AK3: variants seen among roughly 807,000 people sequenced by gnomAD.
AK3 encodes GTP:AMP phosphotransferase AK3, mitochondrial.
Under a neutral mutation model 23.7 loss-of-function variants are expected in AK3, and 27 were observed. The ratio of observed to expected loss-of-function variants is 1.14; its 90% confidence interval spans 0.84 to 1.57. The LOEUF is 1.57. Ranked by LOEUF, AK3 falls within the 40% of genes most tolerant of loss-of-function variation. The pLI, the probability that AK3 is intolerant of heterozygous loss-of-function variation, is 0.00. For missense variants in AK3, 406 were observed against 285.6 expected, an observed-to-expected ratio of 1.42 and a Z score of -3.04; for synonymous variants, 159 against 116.0, an observed-to-expected ratio of 1.37 and a Z score of -2.38.
chr9:4,727,213 C>T (rs925325434), intron 1 of AK3, among the ~76,000 whole-genome samples: 4 of 152,152 alleles, frequency 2.6e-5, no homozygotes, highest in African/African-American at 7.2e-5. Flanking sequence ...TCACCAGCTG[C>T]ATTAGTCCCT....
In AK3 at chr9:4,741,156, G is replaced by T. The variant is rs558314823; in HGVS notation, c.-69C>A. ...GCCTGGCCTGCGCGCTCACCCGCTCGGCAGCCTGCGCCGGCCGGCTAGCAG... is the reference window on the plus strand; with the variant it reads ...GCCTGGCCTGCGCGCTCACCCGCTCTGCAGCCTGCGCCGGCCGGCTAGCAG... On this transcript the variant is annotated 5_prime_UTR_variant, in exon 1 of 5. Coordinates refer to ENST00000381809, the MANE Select transcript of AK3 (RefSeq NM_016282.4). 2.3e-6 allele frequency: 3 copies of T among 1,327,950 alleles called. No individual in the cohort carries two copies. The highest frequency in any genetic ancestry group is 2.9e-6 in the Non-Finnish European group (3 of 1,036,344). The allele number at this position is 1,327,950 out of a possible 1,614,324, so 82.3% of individuals were successfully genotyped here. A position where few individuals can be genotyped will look rare whatever the true frequency, so the allele number is the denominator to read the frequency against.
At chr9:4,722,677 C>G (rs574801486) in intron 1 of AK3, 52 bp from the exon 2 acceptor site, 25 of 1,611,084 alleles carry the variant, frequency 1.6e-5, no homozygotes, top group African/African-American at 5.3e-5. Context: ...TTATCCCATT[C>G]CAGGCACCTC....
At chr9:4,736,746 C>A (rs1349361368) in intron 1 of AK3, among the ~76,000 whole-genome samples, 1 of 151,658 alleles carries the variant, frequency 6.6e-6, no homozygotes, top group African/African-American at 2.4e-5. Flanking sequence ...GGTGCTATCA[C>A]AGCCCACTGC....
chr9:4,728,886 C>CATATATACAT (rs1842082577), intron 1 of AK3, among the ~76,000 whole-genome samples: 2 of 140,142 alleles, frequency 1.4e-5, no homozygotes, highest in Non-Finnish European at 3.1e-5. Flanking sequence ...CACACACATA[C>CATATATACAT]ATATATATAC....
intron 1 of AK3, among the ~76,000 whole-genome samples, chr9:4,734,540 G>GGA (rs1842226236): frequency 6.6e-6 from 1 of 152,150 alleles, no homozygotes; most frequent in African/African-American, 2.4e-5. Context: ...ATGGATAGAT[G>GGA]GAGAGACAAG....
Position 4,711,233 on chromosome 9 carries a change from T to C in AK3, c.*1743A>G, listed in dbSNP as rs1033326090. ...TCAGGCAGCAGAAAGGAAGGTGGGA[T>C]GGAGCAGGCCCTGTGAAGGACCAAG... On this transcript the variant is annotated 3_prime_UTR_variant, in exon 5 of 5. Coordinates refer to ENST00000381809, the MANE Select transcript of AK3 (RefSeq NM_016282.4). 3.3e-5 allele frequency: 5 copies of C among 152,704 alleles called. No homozygotes were observed. Among genetic ancestry groups the C allele is most frequent in the African/African-American group, 1.2e-4 (5 of 41,458 alleles). 9.5% of individuals were successfully genotyped at this position (152,704 alleles called of 1,614,324 possible). A position where few individuals can be genotyped will look rare whatever the true frequency, so the allele number is the denominator to read the frequency against.
At chr9:4,730,806 ATTG>A (rs759637068) in intron 1 of AK3, among the ~76,000 whole-genome samples, 5 of 152,170 alleles carry the variant, frequency 3.3e-5, no homozygotes, top group Admixed American at 6.5e-5. Flanking sequence ...ATGAGAAAGA[ATTG>A]TTATTTTTCT....
At position 4,719,199 on chromosome 9, in the gene AK3, G is replaced by C; in HGVS notation, c.380C>G (p.Ala127Gly). Residue 127 changes from alanine (A) to glycine (G), a missense_variant, in exon 3 of 5, where the codon GCT becomes GGT. Coordinates refer to ENST00000381809, the MANE Select transcript of AK3 (RefSeq NM_016282.4). ...PFEVIKQRLT[A>G]RWIHPASGRV... is the part of the protein sequence containing the mutation. ...GCCACTGGCGGGATGAATCCAGCGAGCAGTAAGGCGTTGTTTAATGACCTC... is the reference window on the plus strand; with the variant it reads ...GCCACTGGCGGGATGAATCCAGCGACCAGTAAGGCGTTGTTTAATGACCTC... The C allele has an allele frequency of 6.2e-7, 1 of 1,611,952 alleles. No homozygotes were observed. Among genetic ancestry groups the C allele is most frequent in the Non-Finnish European group, 8.5e-7 (1 of 1,179,842 alleles).
At chr9:4,721,471 T>A (rs1391959269) in intron 2 of AK3, among the ~76,000 whole-genome samples, 3 of 152,002 alleles carry the variant, frequency 2.0e-5, no homozygotes, top group African/African-American at 7.2e-5. Context: ...ACTTCTTTTT[T>A]TTTTCTGAGA....
At chr9:4,736,114 CAAAAAA>C (rs771506489) in intron 1 of AK3, among the ~76,000 whole-genome samples, 29 of 49,120 alleles carry the variant, frequency 5.9e-4, no homozygotes, top group African/African-American at 2.0e-3. Flanking sequence ...GACTCCATCT[CAAAAAA>C]AAAAAAAAAA....
chr9:4,740,448 TG>T (rs1237523359), intron 1 of AK3, among the ~76,000 whole-genome samples: 1 of 152,020 alleles, frequency 6.6e-6, no homozygotes, highest in Non-Finnish European at 1.5e-5. Flanking sequence ...CTTGGGAATA[TG>T]GGGGAAAGGT....
At chr9:4,719,099 A>T in intron 3 of AK3, 36 bp downstream of exon 3, 1 of 1,609,544 alleles carries the variant, frequency 6.2e-7, no homozygotes, top group Non-Finnish European at 8.5e-7. Context: ...ACTCAGGGAC[A>T]GTCTGCTATG....
In AK3 at chr9:4,710,180, A is replaced by G. The variant is rs958141817; in HGVS notation, c.*2796T>C. On this transcript the variant is annotated 3_prime_UTR_variant, in exon 5 of 5. Transcript: ENST00000381809. The stretch of plus-strand genomic sequence containing the variant: ...GGTATAGCAAAATAACTTTTACTCT[A>G]TAAAATAAATCAGTTGAGGTGCTGT... 1 of 152,100 alleles carries G rather than the reference A, an allele frequency of 6.6e-6. No homozygotes were observed. The highest frequency in any genetic ancestry group is 1.5e-5 in the Non-Finnish European group (1 of 68,018). The allele number at this position is 152,100 out of a possible 1,614,324, so 9.4% of individuals were successfully genotyped here. A position where few individuals can be genotyped will look rare whatever the true frequency, so the allele number is the denominator to read the frequency against.
At chr9:4,731,485 T>A (rs1842151407) in intron 1 of AK3, among the ~76,000 whole-genome samples, 1 of 152,068 alleles carries the variant, frequency 6.6e-6, no homozygotes, top group Non-Finnish European at 1.5e-5. Context: ...TTTAATGGTG[T>A]CTATATCATG....
intron 1 of AK3, among the ~76,000 whole-genome samples, chr9:4,728,866 T>TATACACACAC (rs1395790351): frequency 8.1e-4 from 71 of 87,878 alleles, no homozygotes; most frequent in South Asian, 1.2e-3. Context: ...TATATATATA[T>TATACACACAC]ACACACACAC....
chr9:4,733,647 G>A (rs1842205506), intron 1 of AK3, among the ~76,000 whole-genome samples: 3 of 151,920 alleles, frequency 2.0e-5, no homozygotes, highest in Admixed American at 2.0e-4. Context: ...CCTGTTCCAG[G>A]TCTACACTCC....
At chr9:4,716,997 T>C (rs926090081) in intron 4 of AK3, among the ~76,000 whole-genome samples, 6 of 152,220 alleles carry the variant, frequency 3.9e-5, no homozygotes, top group African/African-American at 1.4e-4. Context: ...ACATACGCTA[T>C]TACAACAACA....
chr9:4,719,028 T>G, intron 3 of AK3, 107 bp downstream of exon 3: 1 of 1,222,964 alleles, frequency 8.2e-7, no homozygotes, highest in East Asian at 2.4e-5. Flanking sequence ...GAATATACCC[T>G]CAGGAGTTTT....
At chr9:4,725,827 C>G (rs755471292) in intron 1 of AK3, among the ~76,000 whole-genome samples, 1 of 152,138 alleles carries the variant, frequency 6.6e-6, no homozygotes, top group Non-Finnish European at 1.5e-5. Flanking sequence ...GATCAACGTC[C>G]TTAATCATTA....
Sources: gnomAD v4.1 joint callset for allele counts (sites outside exome capture counted in the v4.1 genomes callset) on GRCh38, gnomAD v4.1.1 for gene constraint, MANE v1.5 for transcripts, NCBI Gene and HGNC (gene_info 2026-07-23, HGNC 2026-07-21) for gene names.